GALNT18: variants seen among roughly 807,000 people sequenced by gnomAD.
The protein encoded by GALNT18 is polypeptide N-acetylgalactosaminyltransferase 18.
In GALNT18, 44 loss-of-function variants were observed where a neutral mutation model predicts 69.5. The observed-to-expected ratio is 0.63, with a 90% CI of 0.50 to 0.81. The LOEUF (loss-of-function observed/expected upper bound fraction) is 0.81. Among genes scored for constraint, GALNT18 ranks in the 40% least tolerant of loss-of-function variants. The pLI, the probability that GALNT18 is intolerant of heterozygous loss-of-function variation, is 0.00. For synonymous variants in GALNT18, 364 were observed against 318.2 expected (o/e 1.14, Z -1.53); for missense variants, 715 against 810.0 (o/e 0.88, Z 1.42).
At chr11:11,279,369 A>G (rs576981706) in intron 10 of GALNT18, among the ~76,000 whole-genome samples, 10 of 152,332 alleles carry the variant, frequency 6.6e-5, no homozygotes, top group Admixed American at 6.5e-4. Context: ...AGTTCTTACA[A>G]CTGTTGAAAT....
intron 3 of GALNT18, among the ~76,000 whole-genome samples, chr11:11,426,247 T>G (rs115502004): frequency 0.02 from 3,079 of 152,300 alleles, 87 homozygotes; most frequent in African/African-American, 0.068. Context: ...CCCACATTCA[T>G]GCCATATCCC....
chr11:11,594,840 TACAC>T (rs1160511669), intron 1 of GALNT18, among the ~76,000 whole-genome samples: 9,392 of 68,500 alleles, frequency 0.14, 513 homozygotes, highest in East Asian at 0.22. Context: ...TATATATATA[TACAC>T]ATATACATAC....
At position 11,480,062 on chromosome 11, in the gene GALNT18, C is replaced by T. The variant is rs751641585; in HGVS notation, c.236-31126G>A. 6.6e-5 allele frequency among the ~76,000 whole-genome samples: 10 copies of T among 151,728 alleles called. No individual in the cohort carries two copies. Among genetic ancestry groups the T allele is most frequent in the African/African-American group, 9.7e-5 (4 of 41,248 alleles). ...ATGGGAGAGTTTGTAGATCTTGGAG[C>T]GGGGAGGGGGTACAGGAGGCAGAAA... On this transcript the variant is annotated intron_variant, in intron 1 of 10. Coordinates refer to ENST00000227756, the MANE Select transcript of GALNT18 (RefSeq NM_198516.3). The surrounding 1 kb of genome is among the most constrained non-coding windows in gnomAD (Gnocchi z 4.6).
rs1448901070 is a variant in GALNT18 at position 11,601,515 on chromosome 11, C to T, written c.235+19844G>A. ...TGGCTGGACTGCCCGATTGGTTTCA[C>T]CTCCAGCTGTTAGCCTCCACTAGTT... On this transcript the variant is annotated intron_variant, in intron 1 of 10. Coordinates refer to ENST00000227756, the MANE Select transcript of GALNT18 (RefSeq NM_198516.3). The surrounding 1 kb of genome is among the most constrained non-coding windows in gnomAD (Gnocchi z 4.0). Among the ~76,000 whole-genome samples, 1 of 152,196 alleles carries T rather than the reference C, an allele frequency of 6.6e-6. No homozygotes were observed. The highest frequency in any genetic ancestry group is 1.5e-5 in the Non-Finnish European group (1 of 68,036).
intron 2 of GALNT18, among the ~76,000 whole-genome samples, chr11:11,434,401 C>T (rs1855351448): frequency 6.6e-6 from 1 of 152,142 alleles, no homozygotes; most frequent in Admixed American, 6.5e-5. Context: ...GCTACAGGCA[C>T]TGAGGGTACA....
rs116452255 is a variant in GALNT18 at position 11,441,244 on chromosome 11, G to C, written c.428+7500C>G. On this transcript the variant is annotated intron_variant, in intron 2 of 10. Coordinates refer to ENST00000227756, the MANE Select transcript of GALNT18 (RefSeq NM_198516.3). ...ACGAAATTAATATTAACCAGAACCA[G>C]AGGTATTTTCCCAAAGTACTTTAGT... Among the ~76,000 whole-genome samples, 290 of 152,326 alleles carry C rather than the reference G, an allele frequency of 1.9e-3. 2 individuals are homozygous for C. The highest frequency in any genetic ancestry group is 6.8e-3 in the African/African-American group (282 of 41,584).
Position 11,604,255 on chromosome 11 carries a change from A to G in GALNT18, c.235+17104T>C, listed in dbSNP as rs1231737220. Among the ~76,000 whole-genome samples the G allele has an allele frequency of 6.6e-6, 1 of 152,222 alleles. No individual in the cohort carries two copies. Among genetic ancestry groups the G allele is most frequent in the Non-Finnish European group, 1.5e-5 (1 of 68,038 alleles). ...ATTGTGTTGGTTTGGTTAGTAAGTT[A>G]AAAATCCATTAAGAGCATTATTGAA... On this transcript the variant is annotated intron_variant, in intron 1 of 10. Coordinates refer to ENST00000227756, the MANE Select transcript of GALNT18 (RefSeq NM_198516.3). This position sits in a 1 kb window ranked among gnomAD's most constrained non-coding sequence, Gnocchi z 5.6.
At chr11:11,534,718 A>G (rs1442256787) in intron 1 of GALNT18, among the ~76,000 whole-genome samples, 1 of 152,248 alleles carries the variant, frequency 6.6e-6, no homozygotes, top group East Asian at 1.9e-4. Context: ...TAGCAGACAA[A>G]TAGAACCTGT....
At position 11,271,197 on chromosome 11, in the gene GALNT18, A is replaced by G. The variant is rs1848818757; in HGVS notation, c.1771T>C (p.Cys591Arg). 1 of 1,613,984 alleles carries G rather than the reference A, an allele frequency of 6.2e-7. No individual in the cohort carries two copies. Among genetic ancestry groups the G allele is most frequent in the Non-Finnish European group, 8.5e-7 (1 of 1,179,988 alleles). The change falls in exon 11 of 11, where the codon TGC (cysteine) becomes CGC (arginine). Residue 591 changes from cysteine (C) to arginine (R), a missense_variant. Coordinates refer to ENST00000227756, the MANE Select transcript of GALNT18 (RefSeq NM_198516.3). ...GTGATGCTCCAGTGCTGGCCCGAGC[A>G]CTTCTGCAACACCAGCTGGAAGCCG... is the stretch of plus-strand genomic sequence containing the variant. ...EFGFQLVLQK[C>R]SGQHWSITNV...
chr11:11,418,454 T>A (rs1854917354), intron 3 of GALNT18, among the ~76,000 whole-genome samples: 1 of 152,192 alleles, frequency 6.6e-6, no homozygotes, highest in Non-Finnish European at 1.5e-5. Context: ...TCTGTCTTTT[T>A]CCATCATCAT....
chr11:11,286,469 G>A (rs1299365819), intron 10 of GALNT18, among the ~76,000 whole-genome samples: 3 of 151,632 alleles, frequency 2.0e-5, no homozygotes, highest in Non-Finnish European at 2.9e-5. Flanking sequence ...AACATGAAAT[G>A]TCTTTGAAAT....
intron 1 of GALNT18, among the ~76,000 whole-genome samples, chr11:11,611,968 A>G (rs760497260): frequency 1.3e-4 from 20 of 152,072 alleles, no homozygotes; most frequent in Non-Finnish European, 2.6e-4. Flanking sequence ...CTGGCCTCCC[A>G]TTTGACCTGA....
intron 3 of GALNT18, among the ~76,000 whole-genome samples, chr11:11,388,247 G>A (rs1301089313): frequency 1.3e-5 from 2 of 152,024 alleles, no homozygotes. Context: ...AACCCACAAG[G>A]AATATGCACC....
chr11:11,473,831 G>T (rs546873005), intron 1 of GALNT18, among the ~76,000 whole-genome samples: 1 of 152,188 alleles, frequency 6.6e-6, no homozygotes, highest in African/African-American at 2.4e-5. Context: ...TTGTGAGGCC[G>T]AAGTGGGAAG....
intron 3 of GALNT18, among the ~76,000 whole-genome samples, chr11:11,427,686 C>T (rs1432509115): frequency 2.0e-5 from 3 of 152,148 alleles, no homozygotes; most frequent in South Asian, 2.1e-4. Context: ...AAAAGCTGGC[C>T]GAATGCCAAA....
At chr11:11,407,825 G>C (rs925912906) in intron 3 of GALNT18, among the ~76,000 whole-genome samples, 1 of 152,326 alleles carries the variant, frequency 6.6e-6, no homozygotes, top group African/African-American at 2.4e-5. Flanking sequence ...CAGGAGTAAA[G>C]AGCGGCAAGC....
At position 11,277,576 on chromosome 11, in the gene GALNT18, A is replaced by C. The variant is rs758432348; in HGVS notation, c.1678-6286T>G. 1.1e-4 allele frequency among the ~76,000 whole-genome samples: 16 copies of C among 151,874 alleles called. 1 individual carries two copies. Among genetic ancestry groups the C allele is most frequent in the Non-Finnish European group, 1.9e-4 (13 of 67,968 alleles). ...TGTGTTTGCTGCTGCTTCTCTAGTT[A>C]TTTTAATTTGATGTTAGGGTGTCAA... On this transcript the variant is annotated intron_variant, in intron 10 of 10. Coordinates refer to ENST00000227756, the MANE Select transcript of GALNT18 (RefSeq NM_198516.3).
chr11:11,326,931 G>A (rs1849931759), intron 9 of GALNT18, among the ~76,000 whole-genome samples, 155 bp downstream of exon 9: 1 of 152,140 alleles, frequency 6.6e-6, no homozygotes, highest in Non-Finnish European at 1.5e-5. Context: ...CAGCTCATGA[G>A]GATGTGCCCT....
chr11:11,434,241 A>G (rs1276430371), intron 2 of GALNT18, among the ~76,000 whole-genome samples: 1 of 152,134 alleles, frequency 6.6e-6, no homozygotes, highest in African/African-American at 2.4e-5. Flanking sequence ...CCAGAGAGGA[A>G]TGGGGGAAAG....
Sources: gnomAD v4.1 joint callset for allele counts (sites outside exome capture counted in the v4.1 genomes callset) on GRCh38, gnomAD v4.1.1 for gene constraint, Gnocchi (gnomAD v3.1) non-coding constraint, MANE v1.5 for transcripts, NCBI Gene and HGNC (gene_info 2026-07-23, HGNC 2026-07-21) for gene names.